BEND4: variants seen among roughly 807,000 people sequenced by gnomAD.
BEND4 encodes BEN domain containing 4.
BEND4 carries 27 observed loss-of-function variants against 54.7 expected under a neutral mutation model. The observed-to-expected ratio is 0.49, with a 90% CI of 0.36 to 0.68. The LOEUF (loss-of-function observed/expected upper bound fraction) is 0.68, where lower values mean the gene tolerates loss of function less well. BEND4 is among the 30% of genes least tolerant of loss of function. The pLI is 0.00. For missense variants in BEND4, 702 were observed against 697.2 expected (o/e 1.01, Z -0.08); for synonymous variants, 327 against 299.5 (o/e 1.09, Z -0.95).
chr4:42,151,435 G>A, intron 2 of BEND4: 2 of 364,094 alleles, frequency 5.5e-6, no homozygotes, highest in South Asian at 1.9e-4. Flanking sequence ...GATCCAAGCC[G>A]CGGAGCCACC....
At chr4:42,127,867 G>A (rs1720345670) in intron 3 of BEND4, among the ~76,000 whole-genome samples, 1 of 152,172 alleles carries the variant, frequency 6.6e-6, no homozygotes, top group South Asian at 2.1e-4. Flanking sequence ...CCATATTTTA[G>A]AGTCATTAAG....
At chr4:42,138,624 G>GATAGATACAGCTTCACTACAGT (rs1450681088) in intron 3 of BEND4, among the ~76,000 whole-genome samples, 2 of 152,180 alleles carry the variant, frequency 1.3e-5, no homozygotes, top group African/African-American at 4.8e-5. Context: ...TATGTGAGAT[G>GATAGATACAGCTTCACTACAGT]ATAGATACAG....
At chr4:42,125,798 T>C (rs1474137292) in intron 3 of BEND4, 124 bp from the exon 4 acceptor site, 4 of 609,228 alleles carry the variant, frequency 6.6e-6, no homozygotes, top group Non-Finnish European at 1.1e-5. Flanking sequence ...GAGTGCAGTG[T>C]GGTGATCTCA....
intron 3 of BEND4, among the ~76,000 whole-genome samples, chr4:42,126,271 A>G (rs1720278565): frequency 6.6e-6 from 1 of 152,240 alleles, no homozygotes; most frequent in South Asian, 2.1e-4. Flanking sequence ...CACAGAAGAG[A>G]CATGTCTTGA....
At chr4:42,133,601 T>A (rs1464519883) in intron 3 of BEND4, among the ~76,000 whole-genome samples, 2 of 152,192 alleles carry the variant, frequency 1.3e-5, no homozygotes, top group Non-Finnish European at 2.9e-5. Context: ...ATGCCCGTAA[T>A]CCCAGCACTT....
chr4:42,125,900 AG>A (rs998770660), intron 3 of BEND4, among the ~76,000 whole-genome samples: 6 of 151,998 alleles, frequency 3.9e-5, no homozygotes, highest in Admixed American at 3.9e-4. Flanking sequence ...CACTGCACCC[AG>A]CTAATTATGT....
At chr4:42,126,031 G>A (rs768764012) in intron 3 of BEND4, among the ~76,000 whole-genome samples, 7 of 151,864 alleles carry the variant, frequency 4.6e-5, no homozygotes, top group Non-Finnish European at 8.8e-5. Flanking sequence ...GCAAGCCACC[G>A]CACCCAGCCT....
At chr4:42,134,337 CAT>C (rs1422712286) in intron 3 of BEND4, among the ~76,000 whole-genome samples, 14 of 152,262 alleles carry the variant, frequency 9.2e-5, no homozygotes, top group African/African-American at 3.1e-4. Flanking sequence ...TAACCATGGC[CAT>C]GTGTGTGTTT....
At chr4:42,130,265 G>A (rs1158671143) in intron 3 of BEND4, among the ~76,000 whole-genome samples, 2 of 152,096 alleles carry the variant, frequency 1.3e-5, no homozygotes, top group African/African-American at 2.4e-5. Flanking sequence ...CGGATCACAA[G>A]GTCAGGAGAT....
intron 3 of BEND4, among the ~76,000 whole-genome samples, chr4:42,131,172 T>C (rs546178486): frequency 6.6e-6 from 1 of 152,280 alleles, no homozygotes; most frequent in Non-Finnish European, 1.5e-5. Flanking sequence ...ACGGCACATG[T>C]TTACCTATGT....
chr4:42,116,448 G>A lies in BEND4; in HGVS notation c.*1070C>T, dbSNP rs1185491126. The A allele has an allele frequency of 2.6e-5, 4 of 152,204 alleles. No homozygotes were observed. The highest frequency in any genetic ancestry group is 5.9e-5 in the Non-Finnish European group (4 of 68,048). 9.4% of individuals were successfully genotyped at this position (152,204 alleles called of 1,614,324 possible). A position where few individuals can be genotyped will look rare whatever the true frequency, so the allele number is the denominator to read the frequency against. On this transcript the variant is annotated 3_prime_UTR_variant, in exon 6 of 6. Transcript: ENST00000502486. Reference sequence around the variant, plus strand: ...TTAGCCATAGCTAAGGGGTACATTGGGGTAAAGGAGGCACGGAGGGGATGA... The same window carrying A: ...TTAGCCATAGCTAAGGGGTACATTGAGGTAAAGGAGGCACGGAGGGGATGA...
intron 3 of BEND4, among the ~76,000 whole-genome samples, chr4:42,134,258 G>A (rs1216081023): frequency 6.6e-6 from 1 of 152,102 alleles, no homozygotes; most frequent in African/African-American, 2.4e-5. Context: ...TGTTTTCAAG[G>A]ACTTAAAACA....
chr4:42,131,129 T>C (rs1720492453), intron 3 of BEND4, among the ~76,000 whole-genome samples: 1 of 152,170 alleles, frequency 6.6e-6, no homozygotes, highest in African/African-American at 2.4e-5. Context: ...GCTTATTGCG[T>C]AGGTGATGGG....
Position 42,141,553 on chromosome 4 carries a change from G to A in BEND4, c.1054+1875C>T, listed in dbSNP as rs560931621. Among the ~76,000 whole-genome samples, 231 of 152,070 alleles carry A rather than the reference G, an allele frequency of 1.5e-3. 3 individuals carry two copies. The highest frequency in any genetic ancestry group is 5.1e-3 in the African/African-American group (213 of 41,388). On this transcript the variant is annotated intron_variant, in intron 3 of 5. Coordinates refer to ENST00000502486, the MANE Select transcript of BEND4 (RefSeq NM_207406.4). Reference sequence around the variant, plus strand: ...TCGAGACCAGCCTGGCCAATGTGGCGAAACGCTGTCTCTACTAAAAATACA... The same window carrying A: ...TCGAGACCAGCCTGGCCAATGTGGCAAAACGCTGTCTCTACTAAAAATACA...
intron 3 of BEND4, among the ~76,000 whole-genome samples, chr4:42,139,982 A>G (rs535585037): frequency 4.6e-5 from 7 of 152,248 alleles, no homozygotes; most frequent in Admixed American, 6.5e-5. Flanking sequence ...AAATGATAAC[A>G]GATACCCCTC....
At position 42,112,586 on chromosome 4, in the gene BEND4, C is replaced by G. The variant is rs1042023365; in HGVS notation, c.*4932G>C. On this transcript the variant is annotated 3_prime_UTR_variant, in exon 6 of 6. Coordinates refer to ENST00000502486, the MANE Select transcript of BEND4 (RefSeq NM_207406.4). The stretch of plus-strand genomic sequence containing the variant: ...ATAGAGAATTGTGAGGAAAATTAAT[C>G]CGGTCCCCATTACTGCAAATACTTG... The G allele has an allele frequency of 2.0e-5, 3 of 152,140 alleles. No homozygotes were observed. Among genetic ancestry groups the G allele is most frequent in the Non-Finnish European group, 4.4e-5 (3 of 68,024 alleles). 9.4% of individuals were successfully genotyped at this position (152,140 alleles called of 1,614,324 possible). A position where few individuals can be genotyped will look rare whatever the true frequency, so the allele number is the denominator to read the frequency against.
chr4:42,137,093 G>A (rs2153146505), intron 3 of BEND4, among the ~76,000 whole-genome samples: 1 of 152,288 alleles, frequency 6.6e-6, no homozygotes, highest in South Asian at 2.1e-4. Flanking sequence ...TCTGGAGTCA[G>A]AGGCTTGGAT....
At chr4:42,151,492 A>G (rs533353824) in intron 2 of BEND4, 165 bp downstream of exon 2, 25 of 663,364 alleles carry the variant, frequency 3.8e-5, no homozygotes, top group Non-Finnish European at 5.0e-5. Flanking sequence ...GCGCTGGAGA[A>G]TCCTCTCGAA....
In BEND4 at chr4:42,116,315, C is replaced by T. The variant is rs1477277025; in HGVS notation, c.*1203G>A. Reference sequence around the variant, plus strand: ...AACAGGAAGCCCTCAGAAATGATGACTCTAGCACCTCTATAGCATTTGCCA... The same window carrying T: ...AACAGGAAGCCCTCAGAAATGATGATTCTAGCACCTCTATAGCATTTGCCA... On this transcript the variant is annotated 3_prime_UTR_variant, in exon 6 of 6. Transcript: ENST00000502486. 6.6e-6 allele frequency: 1 copy of T among 152,168 alleles called. No individual in the cohort carries two copies. The highest frequency in any genetic ancestry group is 1.5e-5 in the Non-Finnish European group (1 of 68,040). The allele number at this position is 152,168 out of a possible 1,614,324, so 9.4% of individuals were successfully genotyped here.
Sources: allele counts gnomAD v4.1 joint callset (sites outside exome capture counted in the v4.1 genomes callset), GRCh38; gene constraint gnomAD v4.1.1; transcripts MANE v1.5; gene names NCBI Gene and HGNC (gene_info 2026-07-23, HGNC 2026-07-21).